Variants in DMD observed in about 807,000 individuals in gnomAD.
DMD encodes dystrophin, also known as mutant dystrophin.
A neutral mutation model predicts 330.1 loss-of-function variants in DMD; 63 were observed. That is an observed-to-expected ratio of 0.19 (90% CI 0.16 to 0.24). The LOEUF (loss-of-function observed/expected upper bound fraction) is 0.24. Among genes scored for constraint, DMD ranks in the 10% least tolerant of loss-of-function variants. The pLI, the probability that DMD is intolerant of heterozygous loss-of-function variation, is 1.00. For synonymous variants in DMD, 1,223 were observed against 959.8 expected, an observed-to-expected ratio of 1.27 and a Z score of -5.07; for missense variants, 3,344 against 2,684.1, an observed-to-expected ratio of 1.25 and a Z score of -5.43.
chrX:32,034,675 T>C (rs1056411507), intron 44 of DMD, among the ~76,000 whole-genome samples: 25 of 111,589 alleles, frequency 2.2e-4, no homozygotes, highest in African/African-American at 7.8e-4. Context: ...ATAGAGTATT[T>C]CAAAGAAGAT....
chrX:32,352,857 C>T (rs2147112307), intron 37 of DMD, among the ~76,000 whole-genome samples: 1 of 110,203 alleles, frequency 9.1e-6, no homozygotes, highest in South Asian at 3.8e-4. Flanking sequence ...TGTTGCACTG[C>T]TTTCTTATAG....
chrX:31,238,429 C>CT (rs751533433), intron 63 of DMD, among the ~76,000 whole-genome samples: 3 of 111,918 alleles, frequency 2.7e-5, no homozygotes, highest in South Asian at 3.8e-4. Flanking sequence ...TACTTCAGCT[C>CT]TTTTTGTATG....
intron 67 of DMD, among the ~76,000 whole-genome samples, chrX:31,199,812 T>C (rs776969536): frequency 8.9e-6 from 1 of 112,436 alleles, no homozygotes; most frequent in South Asian, 3.7e-4. Context: ...TACCTCAGGC[T>C]GGTAGAAATA....
intron 1 of DMD, among the ~76,000 whole-genome samples, chrX:33,147,453 T>G (rs754728360): frequency 1.3e-4 from 15 of 112,393 alleles, no homozygotes; most frequent in Non-Finnish European, 2.6e-4. Flanking sequence ...CCCTGATATT[T>G]ATAATTATGA....
At chrX:32,566,281 T>A (rs1414360663) in intron 15 of DMD, among the ~76,000 whole-genome samples, 2 of 111,877 alleles carry the variant, frequency 1.8e-5, no homozygotes, top group Admixed American at 1.9e-4. Context: ...AAACTGACAA[T>A]CAGGTACCAG....
chrX:33,325,771 T>C (rs1299814317), intron 1 of DMD, among the ~76,000 whole-genome samples: 2 of 112,189 alleles, frequency 1.8e-5, no homozygotes, highest in Non-Finnish European at 3.8e-5. Flanking sequence ...ACTCCATCAT[T>C]TTCTATTAGT....
At chrX:31,988,878 C>T (rs945481286) in intron 44 of DMD, among the ~76,000 whole-genome samples, 1 of 110,973 alleles carries the variant, frequency 9.0e-6, no homozygotes, top group Non-Finnish European at 1.9e-5. Flanking sequence ...CCAAGATTTA[C>T]AGTCAGCAAG....
At chrX:32,125,352 A>G (rs184401440) in intron 44 of DMD, among the ~76,000 whole-genome samples, 1 of 111,670 alleles carries the variant, frequency 9.0e-6, no homozygotes, top group East Asian at 2.8e-4. Flanking sequence ...AGAGTGAGGA[A>G]AAAAAATCCA....
intron 63 of DMD, among the ~76,000 whole-genome samples, chrX:31,228,672 GTCC>G (rs751597204): frequency 5.4e-5 from 6 of 111,715 alleles, no homozygotes; most frequent in African/African-American, 1.9e-4. Context: ...ATGAGAGACT[GTCC>G]TCCACTTTCC....
At chrX:31,288,696 A>G (rs1221035090) in intron 62 of DMD, among the ~76,000 whole-genome samples, 1 of 111,539 alleles carries the variant, frequency 9.0e-6, no homozygotes, top group Non-Finnish European at 1.9e-5. Flanking sequence ...ACGAACCAAG[A>G]GATTTTATGT....
chrX:32,883,840 A>G (rs775214314), intron 2 of DMD, among the ~76,000 whole-genome samples: 1,563 of 99,884 alleles, frequency 0.016, 51 homozygotes, highest in African/African-American at 0.054. Flanking sequence ...AAAAAAAAAA[A>G]AAAAAAAAAA....
chrX:31,752,379 A>G (rs1378648340), intron 51 of DMD, among the ~76,000 whole-genome samples: 1 of 111,220 alleles, frequency 9.0e-6, no homozygotes, highest in Non-Finnish European at 1.9e-5. Flanking sequence ...CAAGAGTTAC[A>G]GTATCTCACA....
chrX:31,390,547 A>G (rs963807812), intron 60 of DMD, among the ~76,000 whole-genome samples: 1 of 111,043 alleles, frequency 9.0e-6, no homozygotes, highest in Non-Finnish European at 1.9e-5. Flanking sequence ...CAAACAGTAC[A>G]ACAAGTTGAT....
chrX:33,149,541 T>C (rs750041417), intron 1 of DMD, among the ~76,000 whole-genome samples: 2 of 112,308 alleles, frequency 1.8e-5, no homozygotes, highest in Admixed American at 9.5e-5. Context: ...GCTGCTGTTC[T>C]AGTTTCCAGG....
At chrX:31,870,282 T>G (rs2093869212) in intron 48 of DMD, among the ~76,000 whole-genome samples, 1 of 112,019 alleles carries the variant, frequency 8.9e-6, no homozygotes, top group South Asian at 3.7e-4. Flanking sequence ...GACAAAAATA[T>G]TCTCCTAGCC....
At chrX:32,461,596 T>C (rs979115038) in intron 25 of DMD, among the ~76,000 whole-genome samples, 1 of 110,735 alleles carries the variant, frequency 9.0e-6, no homozygotes, top group African/African-American at 3.3e-5. Context: ...CCTTTACAAA[T>C]TGTACTCCTG....
intron 60 of DMD, among the ~76,000 whole-genome samples, chrX:31,430,795 T>G: frequency 1.6e-5 from 1 of 61,304 alleles, no homozygotes; most frequent in Non-Finnish European, 2.9e-5. Context: ...GTTAAGGTCT[T>G]TTTTTTTTTT....
At chrX:32,102,735 G>T (rs1314062680) in intron 44 of DMD, among the ~76,000 whole-genome samples, 3 of 111,442 alleles carry the variant, frequency 2.7e-5, no homozygotes, top group Non-Finnish European at 5.7e-5. Context: ...CAATGGAGCT[G>T]ATCATGCATT....
chrX:32,284,374 G>A (rs768407650), intron 43 of DMD, among the ~76,000 whole-genome samples: 2 of 111,589 alleles, frequency 1.8e-5, no homozygotes, highest in Admixed American at 1.9e-4. Flanking sequence ...GGCTGGTTGT[G>A]CCTTTTCTCT....
Sources: gnomAD v4.1 joint callset for allele counts (sites outside exome capture counted in the v4.1 genomes callset) on GRCh38, gnomAD v4.1.1 for gene constraint, MANE v1.5 for transcripts, NCBI Gene and HGNC (gene_info 2026-07-23, HGNC 2026-07-21) for gene names.